YAP1: variants seen among roughly 807,000 people sequenced by gnomAD.
YAP1 encodes Yes1 associated transcriptional regulator.
A neutral mutation model predicts 56.9 loss-of-function variants in YAP1; 5 were observed. That is an observed-to-expected ratio of 0.09 (90% CI 0.05 to 0.18). The LOEUF (loss-of-function observed/expected upper bound fraction) is 0.18. Ranked by LOEUF, YAP1 falls within the 10% of genes least tolerant of loss-of-function variation. YAP1 has a pLI of 1.00. For missense variants in YAP1, 539 were observed against 651.8 expected (o/e 0.83, Z 1.88); for synonymous variants, 265 against 248.1 (o/e 1.07, Z -0.64).
At position 102,232,957 on chromosome 11, in the gene YAP1, C is replaced by T. The variant is rs1303428472; in HGVS notation, c.*3017C>T. 1 of 152,126 alleles carries T rather than the reference C, an allele frequency of 6.6e-6. No homozygotes were observed. Among genetic ancestry groups the T allele is most frequent in the Non-Finnish European group, 1.5e-5 (1 of 68,038 alleles). 9.4% of individuals were successfully genotyped at this position (152,126 alleles called of 1,614,324 possible). A position where few individuals can be genotyped will look rare whatever the true frequency, so the allele number is the denominator to read the frequency against. ...TTAAGTATTCATATTAAATACATGCCTTCTATATGGAACATGGCAGAAAGA... is the reference window on the plus strand; with the variant it reads ...TTAAGTATTCATATTAAATACATGCTTTCTATATGGAACATGGCAGAAAGA... On this transcript the variant is annotated 3_prime_UTR_variant, in exon 9 of 9. Transcript: ENST00000282441.
chr11:102,209,649 C>G, intron 6 of YAP1, 85 bp downstream of exon 6: 1 of 1,285,630 alleles, frequency 7.8e-7, no homozygotes, highest in Non-Finnish European at 1.1e-6. Context: ...TTCCAGGGTC[C>G]TGTCCTTATT....
chr11:102,139,628 C>T (rs1944890118), intron 2 of YAP1, among the ~76,000 whole-genome samples: 1 of 152,060 alleles, frequency 6.6e-6, no homozygotes, highest in African/African-American at 2.4e-5. Flanking sequence ...ACAATGATTC[C>T]CCCATCCCCT....
chr11:102,201,910 A>G (rs1397556521), intron 4 of YAP1, among the ~76,000 whole-genome samples: 1 of 151,958 alleles, frequency 6.6e-6, no homozygotes, highest in Non-Finnish European at 1.5e-5. Context: ...GGCTGAGTAA[A>G]ATTTGGGGCA....
At chr11:102,150,301 A>G (rs990375984) in intron 2 of YAP1, among the ~76,000 whole-genome samples, 1 of 152,152 alleles carries the variant, frequency 6.6e-6, no homozygotes, top group Non-Finnish European at 1.5e-5. Context: ...TACTTTGCAC[A>G]GAAATTAGAA....
intron 3 of YAP1, among the ~76,000 whole-genome samples, chr11:102,168,076 T>A (rs1315776884): frequency 6.6e-6 from 1 of 152,122 alleles, no homozygotes; most frequent in Non-Finnish European, 1.5e-5. Flanking sequence ...TTAGTTATTA[T>A]ATATAATAGC....
chr11:102,197,451 A>C (rs1389048507), intron 4 of YAP1, among the ~76,000 whole-genome samples: 2 of 152,222 alleles, frequency 1.3e-5, no homozygotes, highest in Non-Finnish European at 2.9e-5. Flanking sequence ...GTAAATTTTT[A>C]GACAATCTAA....
intron 4 of YAP1, among the ~76,000 whole-genome samples, chr11:102,192,550 A>G (rs1252669386): frequency 1.3e-5 from 2 of 152,218 alleles, no homozygotes; most frequent in Non-Finnish European, 2.9e-5. Flanking sequence ...TTGGAAATCA[A>G]GAGACCCAAG....
At chr11:102,208,367 G>T (rs1260786638) in intron 5 of YAP1, among the ~76,000 whole-genome samples, 2 of 152,046 alleles carry the variant, frequency 1.3e-5, no homozygotes, top group Non-Finnish European at 2.9e-5. Flanking sequence ...AAATAAATTT[G>T]TTTGCCATTT....
Position 102,231,726 on chromosome 11 carries a change from T to C in YAP1, c.*1786T>C, listed in dbSNP as rs571181092. 7 of 152,732 alleles carry C rather than the reference T, an allele frequency of 4.6e-5. No homozygotes were observed. The highest frequency in any genetic ancestry group is 7.4e-5 in the Non-Finnish European group (5 of 68,018). 9.5% of individuals were successfully genotyped at this position (152,732 alleles called of 1,614,324 possible). A position where few individuals can be genotyped will look rare whatever the true frequency, so the allele number is the denominator to read the frequency against. On this transcript the variant is annotated 3_prime_UTR_variant, in exon 9 of 9. Coordinates refer to ENST00000282441, the MANE Select transcript of YAP1 (RefSeq NM_001130145.3). ...AGCACCTCTGTGTTTTAAGGGTCTT[T>C]CAATGTTTCTAGAATAAGCCCTTAT... is the stretch of plus-strand genomic sequence containing the variant.
At chr11:102,182,750 T>G (rs1362318005) in intron 3 of YAP1, among the ~76,000 whole-genome samples, 1 of 152,234 alleles carries the variant, frequency 6.6e-6, no homozygotes, top group African/African-American at 2.4e-5. Flanking sequence ...TTGCCTTTGG[T>G]GCGCAGCTTT....
chr11:102,135,122 GC>G (rs1203916729), intron 2 of YAP1, among the ~76,000 whole-genome samples: 1 of 152,150 alleles, frequency 6.6e-6, no homozygotes, highest in Non-Finnish European at 1.5e-5. Flanking sequence ...GCCCACGTTA[GC>G]CTCCCAAAGT....
chr11:102,217,615 T>G (rs1348687091), intron 6 of YAP1, among the ~76,000 whole-genome samples: 1 of 152,098 alleles, frequency 6.6e-6, no homozygotes, highest in East Asian at 1.9e-4. Context: ...TAATCTACAA[T>G]GACAAAAAGC....
chr11:102,125,857 A>C (rs148815824), intron 2 of YAP1, among the ~76,000 whole-genome samples: 49 of 151,954 alleles, frequency 3.2e-4, no homozygotes, highest in African/African-American at 1.0e-3. Flanking sequence ...TTCATTGGAG[A>C]GTAATACAAC....
intron 4 of YAP1, among the ~76,000 whole-genome samples, chr11:102,205,282 A>G (rs1206939544): frequency 6.6e-6 from 1 of 151,990 alleles, no homozygotes; most frequent in Non-Finnish European, 1.5e-5. Context: ...ATTTTAATCT[A>G]CTTGCTTTAT....
chr11:102,124,144 G>A (rs1051744607), intron 2 of YAP1, among the ~76,000 whole-genome samples: 13 of 150,946 alleles, frequency 8.6e-5, no homozygotes, highest in African/African-American at 3.2e-4. Flanking sequence ...GTAGAGGCGG[G>A]GTTTCACCAT....
intron 3 of YAP1, among the ~76,000 whole-genome samples, chr11:102,177,188 G>A (rs1451008475): frequency 6.6e-6 from 1 of 152,098 alleles, no homozygotes; most frequent in Admixed American, 6.6e-5. Flanking sequence ...GAAATGATGT[G>A]GAGGAATAGA....
chr11:102,160,799 G>A (rs534840715), intron 2 of YAP1, among the ~76,000 whole-genome samples: 1 of 152,156 alleles, frequency 6.6e-6, no homozygotes, highest in Non-Finnish European at 1.5e-5. Context: ...AGCAATGCTT[G>A]TATCCTATTC....
intron 3 of YAP1, among the ~76,000 whole-genome samples, chr11:102,163,167 A>G (rs1160651715): frequency 1.3e-5 from 2 of 152,182 alleles, no homozygotes; most frequent in African/African-American, 4.8e-5. Flanking sequence ...AAACCTGAGT[A>G]TAAATCTTTT....
intron 2 of YAP1, among the ~76,000 whole-genome samples, chr11:102,121,214 TATCCTTTGAGCCC>T (rs1943627544): frequency 6.6e-6 from 1 of 152,128 alleles, no homozygotes; most frequent in Admixed American, 6.5e-5. Context: ...GAGGTGGGCA[TATCCTTTGAGCCC>T]AGGAGTTGAA....
Sources: gnomAD v4.1 joint callset for allele counts (sites outside exome capture counted in the v4.1 genomes callset) on GRCh38, gnomAD v4.1.1 for gene constraint, MANE v1.5 for transcripts, NCBI Gene and HGNC (gene_info 2026-07-23, HGNC 2026-07-21) for gene names.